The following WIPF3 variants were observed in gnomAD, a reference collection of about 807,000 sequenced individuals.
WIPF3 encodes the protein WAS/WASL-interacting protein family member 3.
In WIPF3, 33 loss-of-function variants were observed where a neutral mutation model predicts 38.9. That is an observed-to-expected ratio of 0.85 (90% CI 0.64 to 1.14). The LOEUF is 1.14. Ranked by LOEUF, WIPF3 falls within the 50% of genes most tolerant of loss-of-function variation. WIPF3 has a pLI of 0.00. For synonymous variants in WIPF3, 324 were observed against 269.3 expected (o/e 1.20, Z -1.99); for missense variants, 711 against 652.5 (o/e 1.09, Z -0.98).
At chr7:29,850,614 A>G (rs1785078718) in intron 2 of WIPF3, among the ~76,000 whole-genome samples, 1 of 152,222 alleles carries the variant, frequency 6.6e-6, no homozygotes, top group Admixed American at 6.5e-5. Flanking sequence ...TAGACCTCAC[A>G]GTCCACCACA....
At chr7:29,879,216 A>G in intron 4 of WIPF3, 76 bp downstream of exon 4, 1 of 1,527,142 alleles carries the variant, frequency 6.5e-7, no homozygotes. Context: ...CAATCCACAC[A>G]TGCCAGTAAG....
At chr7:29,904,255 T>A in intron 7 of WIPF3, 31 bp from the exon 8 acceptor site, 2 of 1,610,996 alleles carry the variant, frequency 1.2e-6, no homozygotes. Context: ...CCTGGGCCAA[T>A]AGATAATGAG....
intron 5 of WIPF3, among the ~76,000 whole-genome samples, chr7:29,886,765 AT>A (rs927619837): frequency 6.6e-6 from 1 of 151,926 alleles, no homozygotes; most frequent in Admixed American, 6.6e-5. Flanking sequence ...TTAATACTGA[AT>A]TTTTTTTATT....
At chr7:29,807,968 A>G (rs1437986966) in intron 1 of WIPF3, among the ~76,000 whole-genome samples, 1 of 152,066 alleles carries the variant, frequency 6.6e-6, no homozygotes, top group Non-Finnish European at 1.5e-5. Context: ...AATTTTTTTT[A>G]ACTTTATCAT....
intron 2 of WIPF3, among the ~76,000 whole-genome samples, chr7:29,864,632 T>G (rs1424111071): frequency 2.6e-5 from 4 of 152,238 alleles, no homozygotes; most frequent in Non-Finnish European, 5.9e-5. Flanking sequence ...TCTCAACGCT[T>G]TAATAGGGTA....
intron 2 of WIPF3, among the ~76,000 whole-genome samples, chr7:29,855,814 A>AT (rs572908146): frequency 3.7e-4 from 57 of 152,190 alleles, no homozygotes; most frequent in African/African-American, 1.3e-3. Flanking sequence ...TCCCTTTATT[A>AT]TTTTGTCTCT....
intron 2 of WIPF3, among the ~76,000 whole-genome samples, chr7:29,860,748 T>G (rs1785260726): frequency 6.6e-6 from 1 of 152,102 alleles, no homozygotes; most frequent in Non-Finnish European, 1.5e-5. Flanking sequence ...GTAGTAGAAC[T>G]AGAAAGGATG....
At chr7:29,838,976 C>G (rs188770459) in intron 2 of WIPF3, among the ~76,000 whole-genome samples, 1 of 152,040 alleles carries the variant, frequency 6.6e-6, no homozygotes, top group East Asian at 1.9e-4. Context: ...TATAAAGCTC[C>G]AAAACAGAAA....
intron 2 of WIPF3, among the ~76,000 whole-genome samples, chr7:29,861,354 G>T (rs1052911817): frequency 6.6e-6 from 1 of 152,066 alleles, no homozygotes; most frequent in Admixed American, 6.6e-5. Context: ...TTGACCTTTT[G>T]TCCATGAACA....
At chr7:29,835,670 C>G (rs1784788408) in intron 2 of WIPF3, among the ~76,000 whole-genome samples, 1 of 152,206 alleles carries the variant, frequency 6.6e-6, no homozygotes, top group Non-Finnish European at 1.5e-5. Context: ...TGAAGAAAAC[C>G]AGGAGCACTT....
intron 1 of WIPF3, among the ~76,000 whole-genome samples, chr7:29,830,206 G>C (rs546007453): frequency 1.3e-5 from 2 of 151,664 alleles, no homozygotes; most frequent in East Asian, 3.9e-4. Context: ...GCAGCATCTC[G>C]GTGGCACCTA....
At chr7:29,839,838 C>T (rs1288384220) in intron 2 of WIPF3, among the ~76,000 whole-genome samples, 1 of 152,164 alleles carries the variant, frequency 6.6e-6, no homozygotes, top group Non-Finnish European at 1.5e-5. Context: ...TGTTTTTATG[C>T]TACAGCAGCA....
intron 2 of WIPF3, among the ~76,000 whole-genome samples, chr7:29,847,347 C>G (rs773837057): frequency 2.2e-4 from 34 of 152,100 alleles, no homozygotes; most frequent in Non-Finnish European, 4.1e-4. Context: ...CTGAAAATAG[C>G]CCAAAAATAG....
intron 1 of WIPF3, among the ~76,000 whole-genome samples, chr7:29,819,082 C>A (rs1294457202): frequency 1.3e-5 from 2 of 151,834 alleles, no homozygotes; most frequent in Non-Finnish European, 2.9e-5. Context: ...TTGTTCTATT[C>A]TTTCTCAGGT....
intron 7 of WIPF3, among the ~76,000 whole-genome samples, chr7:29,890,978 G>A (rs1786003259): frequency 7.5e-6 from 1 of 133,214 alleles, no homozygotes; most frequent in African/African-American, 2.9e-5. Flanking sequence ...TCAGGTGGAG[G>A]GGGCGAGGGC....
chr7:29,882,609 C>A (rs1426958872), intron 4 of WIPF3, among the ~76,000 whole-genome samples: 1 of 152,150 alleles, frequency 6.6e-6, no homozygotes, highest in Non-Finnish European at 1.5e-5. Flanking sequence ...CTTTTGACAT[C>A]CAGTACTTTA....
chr7:29,875,295 A>G (rs1270232411), intron 2 of WIPF3, among the ~76,000 whole-genome samples: 1 of 152,130 alleles, frequency 6.6e-6, no homozygotes, highest in Non-Finnish European at 1.5e-5. Context: ...TGGGCCCAGC[A>G]TGAGCCACCC....
intron 2 of WIPF3, among the ~76,000 whole-genome samples, chr7:29,845,752 A>G (rs1284024626): frequency 2.0e-5 from 3 of 152,248 alleles, no homozygotes; most frequent in Admixed American, 2.0e-4. Context: ...AATGGTCACA[A>G]AGCAGCTAAT....
At position 29,879,141 on chromosome 7, in the gene WIPF3, G is replaced by T; in HGVS notation, c.355+1G>T. On this transcript the variant is annotated splice_donor_variant, in intron 4 of 8. Coordinates refer to ENST00000242140, the MANE Select transcript of WIPF3 (RefSeq NM_001080529.3). LOFTEE classifies it high-confidence loss of function. ...CCAGCAGGCCAGCGGGATGTAGCAG[G>T]TAAGGAAGAATTCATTCTGGCTCCC... 6.2e-7 allele frequency: 1 copy of T among 1,609,624 alleles called. No homozygotes were observed.
Sources: gnomAD v4.1 joint callset for allele counts (sites outside exome capture counted in the v4.1 genomes callset) on GRCh38, gnomAD v4.1.1 for gene constraint, MANE v1.5 for transcripts, NCBI Gene and HGNC (gene_info 2026-07-23, HGNC 2026-07-21) for gene names.